The following FUT9 variants were observed in gnomAD, a reference collection of about 807,000 sequenced individuals.
FUT9 encodes the protein fucosyltransferase 9, also known as 4-galactosyl-N-acetylglucosaminide 3-alpha-L-fucosyltransferase 9.
Under a neutral mutation model 29.7 loss-of-function variants are expected in FUT9, and 15 were observed. The ratio of observed to expected loss-of-function variants is 0.51; its 90% CI spans 0.34 to 0.78. FUT9 has a LOEUF of 0.78. Ranked by LOEUF, FUT9 falls within the 30% of genes least tolerant of loss-of-function variation. The pLI is 0.01. For missense variants in FUT9, 319 were observed against 425.4 expected, an observed-to-expected ratio of 0.75 and a Z score of 2.20; for synonymous variants, 169 against 153.7, an observed-to-expected ratio of 1.10 and a Z score of -0.74.
At chr6:96,115,969 A>G (rs774311845) in intron 2 of FUT9, among the ~76,000 whole-genome samples, 4 of 152,196 alleles carry the variant, frequency 2.6e-5, no homozygotes, top group African/African-American at 4.8e-5. Context: ...TAGAAAAAAA[A>G]TCTAACATTT....
chr6:96,212,395 C>G lies in FUT9; in HGVS notation c.*8160C>G. 1 of 412,260 alleles carries G rather than the reference C, an allele frequency of 2.4e-6. No homozygotes were observed. Among genetic ancestry groups the G allele is most frequent in the Non-Finnish European group, 4.4e-6 (1 of 225,274 alleles). The allele number at this position is 412,260 out of a possible 1,614,324, so 25.5% of individuals were successfully genotyped here. A position where few individuals can be genotyped will look rare whatever the true frequency, so the allele number is the denominator to read the frequency against. ...GAGTCCTTAAGCAAATGAAGATTAT[C>G]TGATTGTCTATGTAAACCTGGAAGT... On this transcript the variant is annotated 3_prime_UTR_variant, in exon 3 of 3. Transcript: ENST00000302103.
intron 1 of FUT9, among the ~76,000 whole-genome samples, chr6:96,055,258 A>G (rs1480935210): frequency 1.3e-5 from 2 of 152,166 alleles, no homozygotes; most frequent in African/African-American, 2.4e-5. Flanking sequence ...GTGATGTGAT[A>G]TAATTTTGAT....
chr6:96,059,001 G>A (rs1770827049), intron 1 of FUT9, among the ~76,000 whole-genome samples: 1 of 152,114 alleles, frequency 6.6e-6, no homozygotes, highest in Admixed American at 6.6e-5. Context: ...CCAGGAAAAT[G>A]TTACAATAGA....
At chr6:96,107,815 A>G (rs1771720573) in intron 1 of FUT9, among the ~76,000 whole-genome samples, 1 of 152,118 alleles carries the variant, frequency 6.6e-6, no homozygotes, top group Non-Finnish European at 1.5e-5. Context: ...TCAACTCACG[A>G]GGATCTACAT....
chr6:96,185,382 A>G (rs1160564036), intron 2 of FUT9, among the ~76,000 whole-genome samples: 2 of 152,144 alleles, frequency 1.3e-5, no homozygotes, highest in Non-Finnish European at 2.9e-5. Flanking sequence ...AATTGACTAG[A>G]TGTAGGATTT....
At chr6:96,107,906 C>A (rs1582235187) in intron 1 of FUT9, among the ~76,000 whole-genome samples, 1 of 151,516 alleles carries the variant, frequency 6.6e-6, no homozygotes, top group Admixed American at 6.6e-5. Flanking sequence ...GAAAGCACAA[C>A]CCTTGAAAGA....
intron 1 of FUT9, among the ~76,000 whole-genome samples, chr6:96,099,779 G>A (rs573913577): frequency 4.6e-5 from 7 of 152,088 alleles, no homozygotes; most frequent in East Asian, 3.9e-4. Context: ...GACACTCATC[G>A]ATAAAATATC....
intron 2 of FUT9, among the ~76,000 whole-genome samples, chr6:96,188,513 C>T (rs1341012777): frequency 7.2e-5 from 11 of 152,180 alleles, no homozygotes; most frequent in African/African-American, 2.6e-4. Context: ...GAAAGATGTA[C>T]ACCAGTTTCC....
At chr6:96,184,395 G>GT (rs1241648933) in intron 2 of FUT9, among the ~76,000 whole-genome samples, 1 of 151,818 alleles carries the variant, frequency 6.6e-6, no homozygotes, top group Non-Finnish European at 1.5e-5. Flanking sequence ...CAAAGAACCA[G>GT]TTTTTTGTTT....
intron 2 of FUT9, among the ~76,000 whole-genome samples, chr6:96,132,040 A>T (rs992370029): frequency 3.3e-5 from 5 of 152,082 alleles, no homozygotes; most frequent in Admixed American, 3.3e-4. Context: ...GAAGATGCAA[A>T]TGGTGCCATT....
chr6:96,163,169 A>G (rs545075975), intron 2 of FUT9, among the ~76,000 whole-genome samples: 1 of 152,266 alleles, frequency 6.6e-6, no homozygotes, highest in East Asian at 1.9e-4. Flanking sequence ...CAATTCATGA[A>G]AGTTACTAAT....
intron 2 of FUT9, among the ~76,000 whole-genome samples, chr6:96,114,987 A>G (rs1771883426): frequency 6.6e-6 from 1 of 152,054 alleles, no homozygotes; most frequent in South Asian, 2.1e-4. Context: ...CTCAAGCCTT[A>G]CTCTCTATTC....
chr6:96,208,577 T>C lies in FUT9; in HGVS notation c.*4342T>C, dbSNP rs758187135. ...AATGTTTATTGGTACCAATTGGAGA[T>C]GATATTTTATATTTATTTTGTTAGT... is the stretch of plus-strand genomic sequence containing the variant. On this transcript the variant is annotated 3_prime_UTR_variant, in exon 3 of 3. Transcript: ENST00000302103. 4.2e-5 allele frequency: 7 copies of C among 167,000 alleles called. No individual in the cohort carries two copies. Among genetic ancestry groups the C allele is most frequent in the African/African-American group, 1.4e-4 (6 of 41,572 alleles). The allele number at this position is 167,000 out of a possible 1,614,324, so 10.3% of individuals were successfully genotyped here. A position where few individuals can be genotyped will look rare whatever the true frequency, so the allele number is the denominator to read the frequency against.
At chr6:96,136,039 A>G (rs1772342146) in intron 2 of FUT9, among the ~76,000 whole-genome samples, 1 of 151,392 alleles carries the variant, frequency 6.6e-6, no homozygotes, top group African/African-American at 2.4e-5. Flanking sequence ...CTTCCTTAGC[A>G]AGATCAAAAG....
chr6:96,202,019 G>C (rs1773734232), intron 2 of FUT9, among the ~76,000 whole-genome samples: 1 of 151,750 alleles, frequency 6.6e-6, no homozygotes, highest in Non-Finnish European at 1.5e-5. Flanking sequence ...TTCTATGCTA[G>C]TTTCTGTCAA....
chr6:96,091,436 A>T (rs1169428774), intron 1 of FUT9, among the ~76,000 whole-genome samples: 1 of 152,126 alleles, frequency 6.6e-6, no homozygotes, highest in Non-Finnish European at 1.5e-5. Context: ...AATCTTCATT[A>T]TCATATCTTG....
chr6:96,055,070 G>A (rs1055897044), intron 1 of FUT9, among the ~76,000 whole-genome samples: 7 of 152,030 alleles, frequency 4.6e-5, no homozygotes, highest in East Asian at 1.9e-4. Flanking sequence ...GGAAAAATAC[G>A]AAGATATTGT....
chr6:96,193,445 T>C (rs1165435495), intron 2 of FUT9, among the ~76,000 whole-genome samples: 1 of 133,546 alleles, frequency 7.5e-6, no homozygotes, highest in African/African-American at 2.7e-5. Flanking sequence ...AAAAAACAGA[T>C]GAAAAAATGC....
intron 1 of FUT9, among the ~76,000 whole-genome samples, chr6:96,059,409 C>T (rs1252192302): frequency 6.6e-6 from 1 of 152,196 alleles, no homozygotes; most frequent in Non-Finnish European, 1.5e-5. Flanking sequence ...TGCATACACA[C>T]ATACCAGAAA....
Sources: allele counts gnomAD v4.1 joint callset (sites outside exome capture counted in the v4.1 genomes callset), GRCh38; gene constraint gnomAD v4.1.1; transcripts MANE v1.5; gene names NCBI Gene and HGNC (gene_info 2026-07-23, HGNC 2026-07-21).